The following NEUROG1 variants were observed in gnomAD, a reference collection of about 807,000 sequenced individuals.
NEUROG1 encodes the protein neurogenin 1.
NEUROG1 carries 5 observed loss-of-function variants against 5.7 expected under a neutral mutation model. That is an observed-to-expected ratio of 0.88 (90% confidence interval 0.46 to 1.85). The LOEUF (loss-of-function observed/expected upper bound fraction) is 1.85, where lower values mean the gene tolerates loss of function less well. Ranked by LOEUF, NEUROG1 falls within the 40% of genes most tolerant of loss-of-function variation. The pLI is 0.01. For missense variants in NEUROG1, 403 were observed against 345.7 expected, an observed-to-expected ratio of 1.17 and a Z score of -1.32; for synonymous variants, 196 against 157.4, an observed-to-expected ratio of 1.25 and a Z score of -1.84.
At position 135,535,282 on chromosome 5, in the gene NEUROG1, C is replaced by A. The variant is rs747790479; in HGVS notation, c.409G>T (p.Ala137Ser). ...GCCAGAGCCCAGATGTAGTTGTAGG[C>A]GAAGCGCAGCGTCTCGATTTTGGTG... ...KLTKIETLRF[A>S]YNYIWALAET... Residue 137 changes from alanine (A) to serine (S), a missense_variant, in exon 1 of 1, where the codon GCC becomes TCC. Coordinates refer to ENST00000314744, the MANE Select transcript of NEUROG1 (RefSeq NM_006161.3). 2 of 1,613,536 alleles carry A rather than the reference C, an allele frequency of 1.2e-6. No homozygotes were observed. Among genetic ancestry groups the A allele is most frequent in the Non-Finnish European group, 1.7e-6 (2 of 1,179,676 alleles).
At position 135,535,268 on chromosome 5, in the gene NEUROG1, G is replaced by A. The variant is rs1750511982; in HGVS notation, c.423C>T (p.Ile141=). The change falls in exon 1 of 1, where the codon ATC becomes ATT. Residue 141 remains isoleucine (I), a synonymous_variant. Transcript: ENST00000314744. ...IETLRFAYNY[I]WALAETLRLA... is the part of the protein sequence containing the mutation. Reference sequence around the variant, plus strand: ...GGCGCAGTGTCTCGGCCAGAGCCCAGATGTAGTTGTAGGCGAAGCGCAGCG... The same window carrying A: ...GGCGCAGTGTCTCGGCCAGAGCCCAAATGTAGTTGTAGGCGAAGCGCAGCG... 2.5e-6 allele frequency: 4 copies of A among 1,613,548 alleles called. No homozygotes were observed. Among genetic ancestry groups the A allele is most frequent in the Non-Finnish European group, 2.5e-6 (3 of 1,179,686 alleles).
rs542575544 is a variant in NEUROG1 at position 135,535,607 on chromosome 5, G to C, written c.84C>G (p.Asp28Glu). 2 of 1,595,468 alleles carry C rather than the reference G, an allele frequency of 1.3e-6. No homozygotes were observed. The highest frequency in any genetic ancestry group is 1.7e-6 in the Non-Finnish European group (2 of 1,176,538). ...GTTGGAGTCTGGCACAGTCTTCCTC[G>C]TCGGTGAGGAAGCCGGATAGGTCAC... Reference protein sequence around the residue: ...SGSDLSGFLTDEEDCARLQQA... With the variant: ...SGSDLSGFLTEEEDCARLQQA... The change falls in exon 1 of 1, where the codon GAC becomes GAG. Residue 28 changes from aspartate to glutamate, a missense_variant. Asp to Glu is a conservative substitution (Grantham distance 45). Coordinates refer to ENST00000314744, the MANE Select transcript of NEUROG1 (RefSeq NM_006161.3).
Position 135,535,288 on chromosome 5 carries a change from G to T in NEUROG1, c.403C>A (p.Arg135Ser). 1 of 1,613,566 alleles carries T rather than the reference G, an allele frequency of 6.2e-7. No homozygotes were observed. The highest frequency in any genetic ancestry group is 8.5e-7 in the Non-Finnish European group (1 of 1,179,678). The change falls in exon 1 of 1, where the codon CGC becomes AGC. Residue 135 changes from arginine to serine, a missense_variant. Coordinates refer to ENST00000314744, the MANE Select transcript of NEUROG1 (RefSeq NM_006161.3). ...DTKLTKIETL[R>S]FAYNYIWALA... ...GCCCAGATGTAGTTGTAGGCGAAGC[G>T]CAGCGTCTCGATTTTGGTGAGCTTG...
In NEUROG1 at chr5:135,535,748, G is replaced by A. The variant is rs1473111155; in HGVS notation, c.-58C>T. On this transcript the variant is annotated 5_prime_UTR_variant, in exon 1 of 1. Coordinates refer to ENST00000314744, the MANE Select transcript of NEUROG1 (RefSeq NM_006161.3). ...AAAGGCGCTCAGAGCGCTGCAGCCCGGACTGAGGGCAGAGCCGCCAGGGCG... is the reference window on the plus strand; with the variant it reads ...AAAGGCGCTCAGAGCGCTGCAGCCCAGACTGAGGGCAGAGCCGCCAGGGCG... The A allele has an allele frequency of 3.5e-6, 5 of 1,443,222 alleles. No individual in the cohort carries two copies. The highest frequency in any genetic ancestry group is 2.6e-5 in the Admixed American group (1 of 38,818). The allele number at this position is 1,443,222 out of a possible 1,614,324, so 89.4% of individuals were successfully genotyped here.
rs1293761663 is a variant in NEUROG1, at chr5:135,535,018, C to A, written c.673G>T (p.Asp225Tyr). The A allele has an allele frequency of 1.2e-6, 2 of 1,614,026 alleles. No homozygotes were observed. Among genetic ancestry groups the A allele is most frequent in the South Asian group, 1.1e-5 (1 of 91,084 alleles). ...PVFSFPSLPK[D>Y]LLHTTPCFIP... ...AAACAGGGCGTTGTGTGGAGCAAGTCTTTGGGCAGGCTTGGGAAGGAGAAA... is the reference window on the plus strand; with the variant it reads ...AAACAGGGCGTTGTGTGGAGCAAGTATTTGGGCAGGCTTGGGAAGGAGAAA... The change falls in exon 1 of 1, where the codon GAC becomes TAC. Residue 225 changes from aspartate (D) to tyrosine (Y), a missense_variant. Asp to Tyr is a radical substitution (Grantham distance 160, BLOSUM62 -3). Coordinates refer to ENST00000314744, the MANE Select transcript of NEUROG1 (RefSeq NM_006161.3).
rs776604488 is a variant in NEUROG1, at chr5:135,535,431, T to C, written c.260A>G (p.His87Arg). Residue 87 changes from histidine (H) to arginine (R), a missense_variant, in exon 1 of 1, where the codon CAC becomes CGC. Physicochemically the swap from His to Arg is conservative, Grantham distance 29. Coordinates refer to ENST00000314744, the MANE Select transcript of NEUROG1 (RefSeq NM_006161.3). ...RTRVRSEALL[H>R]SLRRSRRVKA... is the part of the protein sequence containing the mutation. ...GACGCGCCGGCTCCTGCGCAGCGAG[T>C]GCAGCAGCGCCTCGGAGCGGACCCG... 1.3e-6 allele frequency: 2 copies of C among 1,592,598 alleles called. No individual in the cohort carries two copies. The highest frequency in any genetic ancestry group is 1.7e-6 in the Non-Finnish European group (2 of 1,170,494).
Position 135,535,569 on chromosome 5 carries a change from G to A in NEUROG1, c.122C>T (p.Ala41Val), listed in dbSNP as rs776918553. 6.3e-7 allele frequency: 1 copy of A among 1,582,110 alleles called. No individual in the cohort carries two copies. Among genetic ancestry groups the A allele is most frequent in the Admixed American group, 1.8e-5 (1 of 56,694 alleles). The part of the protein sequence containing the change: ...DCARLQQAAS[A>V]SGPPAPARRG... ...GCGGGCCGGCGCGGGCGGCCCCGAA[G>A]CGGAGGCTGCCTGTTGGAGTCTGGC... The change falls in exon 1 of 1, where the codon GCT becomes GTT. Residue 41 changes from alanine (A) to valine (V), a missense_variant. Transcript: ENST00000314744.
At position 135,535,081 on chromosome 5, in the gene NEUROG1, C is replaced by A; in HGVS notation, c.610G>T (p.Ala204Ser). The A allele has an allele frequency of 6.2e-7, 1 of 1,613,344 alleles. No homozygotes were observed. The highest frequency in any genetic ancestry group is 1.1e-5 in the South Asian group (1 of 90,996). Residue 204 changes from alanine to serine, a missense_variant, in exon 1 of 1, where the codon GCC becomes TCC. By Grantham distance (99) the Ala-to-Ser change is moderately conservative. Transcript: ENST00000314744. ...SPLSDPSSPA[A>S]SEDFTYRPGD... is the part of the protein sequence containing the mutation. ...GGGCGGTAGGTGAAGTCTTCGGAGG[C>A]GGCTGGGCTACTGGGGTCAGAGAGC...
Position 135,535,470 on chromosome 5 carries a change from C to A in NEUROG1, c.221G>T (p.Arg74Leu). 6.4e-7 allele frequency: 1 copy of A among 1,563,906 alleles called. No individual in the cohort carries two copies. Residue 74 changes from arginine (R) to leucine (L), a missense_variant, in exon 1 of 1, where the codon CGC (arginine) becomes CTC (leucine). Arg to Leu is a moderately radical substitution (Grantham distance 102, BLOSUM62 -2). Coordinates refer to ENST00000314744, the MANE Select transcript of NEUROG1 (RefSeq NM_006161.3). ...GGAGCGGACCCGCGTCCGGCCGCGGCGCCGCCGCCTCTCCTGCTCGTCGTC... is the reference window on the plus strand; with the variant it reads ...GGAGCGGACCCGCGTCCGGCCGCGGAGCCGCCGCCTCTCCTGCTCGTCGTC... ...AQDDEQERRR[R>L]RGRTRVRSEA...
Position 135,535,334 on chromosome 5 carries a change from C to T in NEUROG1, c.357G>A (p.Leu119=). The T allele has an allele frequency of 1.2e-6, 2 of 1,613,474 alleles. No homozygotes were observed. Among genetic ancestry groups the T allele is most frequent in the Non-Finnish European group, 1.7e-6 (2 of 1,179,656 alleles). Residue 119 remains leucine (L), a synonymous_variant, in exon 1 of 1, where the codon CTG becomes CTA. Transcript: ENST00000314744. ...GCTTGGTGTCGTCGGGGAACGAGGG[C>T]AGCACGCTGCGCAGTGCGTCCAGGG... ...NAALDALRSV[L]PSFPDDTKLT...
At position 135,534,919 on chromosome 5, in the gene NEUROG1, G is replaced by T; in HGVS notation, c.*58C>A. On this transcript the variant is annotated 3_prime_UTR_variant, in exon 1 of 1. Transcript: ENST00000314744. ...AGGGGGTCCCGAGGCGGCAGCTGGGGCCCCATCTATTGCCTGCTGACTAGG... is the reference window on the plus strand; with the variant it reads ...AGGGGGTCCCGAGGCGGCAGCTGGGTCCCCATCTATTGCCTGCTGACTAGG... 1 of 1,544,494 alleles carries T rather than the reference G, an allele frequency of 6.5e-7. No individual in the cohort carries two copies. Among genetic ancestry groups the T allele is most frequent in the Non-Finnish European group, 8.8e-7 (1 of 1,142,522 alleles).
rs1750534673 is a variant in NEUROG1 at position 135,535,842 on chromosome 5, G to T, written c.-152C>A. On this transcript the variant is annotated 5_prime_UTR_variant, in exon 1 of 1. Coordinates refer to ENST00000314744, the MANE Select transcript of NEUROG1 (RefSeq NM_006161.3). ...TGCGGGTGCGAGAGCCTGGAAGGGT[G>T]CAGGGGCGCACGGAGAACTTGGCCT... 4.4e-6 allele frequency: 3 copies of T among 676,424 alleles called. No homozygotes were observed. In the East Asian group the frequency reaches 9.7e-5, roughly 22 times the overall value. 41.9% of individuals were successfully genotyped at this position (676,424 alleles called of 1,614,324 possible).
In NEUROG1 at chr5:135,535,431, T is replaced by G. The variant is rs776604488; in HGVS notation, c.260A>C (p.His87Pro). 6.3e-7 allele frequency: 1 copy of G among 1,592,708 alleles called. No individual in the cohort carries two copies. Among genetic ancestry groups the G allele is most frequent in the South Asian group, 1.1e-5 (1 of 88,720 alleles). Residue 87 changes from histidine (H) to proline (P), a missense_variant, in exon 1 of 1, where the codon CAC becomes CCC. His to Pro is a moderately conservative substitution (Grantham distance 77). Coordinates refer to ENST00000314744, the MANE Select transcript of NEUROG1 (RefSeq NM_006161.3). ...RTRVRSEALL[H>P]SLRRSRRVKA... is the part of the protein sequence containing the mutation. ...GACGCGCCGGCTCCTGCGCAGCGAG[T>G]GCAGCAGCGCCTCGGAGCGGACCCG...
In NEUROG1 at chr5:135,535,387, G is replaced by T; in HGVS notation, c.304C>A (p.Arg102Ser). 3 of 1,610,768 alleles carry T rather than the reference G, an allele frequency of 1.9e-6. No individual in the cohort carries two copies. The highest frequency in any genetic ancestry group is 2.5e-6 in the Non-Finnish European group (3 of 1,178,594). Reference protein sequence around the residue: ...SRRVKANDRERNRMHNLNAAL... With the variant: ...SRRVKANDRESNRMHNLNAAL... ...GCGTTCAAGTTGTGCATGCGGTTGC[G>T]CTCGCGATCGTTGGCCTTGACGCGC... Residue 102 changes from arginine (R) to serine (S), a missense_variant, in exon 1 of 1, where the codon CGC becomes AGC. Arg to Ser is a moderately radical substitution (Grantham distance 110). Coordinates refer to ENST00000314744, the MANE Select transcript of NEUROG1 (RefSeq NM_006161.3).
Position 135,535,584 on chromosome 5 carries a change from T to TG in NEUROG1, c.106dup (p.Gln36ProfsTer25), listed in dbSNP as rs1750523467. ...CGGCCCCGAAGCGGAGGCTGCCTGT[T>TG]GGAGTCTGGCACAGTCTTCCTCGTC... On this transcript the variant is annotated frameshift_variant, in exon 1 of 1. Transcript: ENST00000314744. LOFTEE classifies it low-confidence loss of function (END_TRUNC). The TG allele has an allele frequency of 6.3e-7, 1 of 1,590,644 alleles. No individual in the cohort carries two copies.
At position 135,535,504 on chromosome 5, in the gene NEUROG1, C is replaced by A. The variant is rs2126852729; in HGVS notation, c.187G>T (p.Gly63Trp). 1 of 1,577,124 alleles carries A rather than the reference C, an allele frequency of 6.3e-7. No individual in the cohort carries two copies. The highest frequency in any genetic ancestry group is 8.6e-7 in the Non-Finnish European group (1 of 1,167,752). ...CTCTCCTGCTCGTCGTCCTGTGCCC[C>A]TGGAACCTCAGACGCCCGGGAGATA... Reference protein sequence around the residue: ...PNISRASEVPGAQDDEQERRR... With the variant: ...PNISRASEVPWAQDDEQERRR... Residue 63 changes from glycine (G) to tryptophan (W), a missense_variant, in exon 1 of 1, where the codon GGG becomes TGG. By Grantham distance (184) the Gly-to-Trp change is radical (BLOSUM62 -2). Coordinates refer to ENST00000314744, the MANE Select transcript of NEUROG1 (RefSeq NM_006161.3).
In NEUROG1 at chr5:135,535,648, C is replaced by A. The variant is rs143170722; in HGVS notation, c.43G>T (p.Ala15Ser). The stretch of plus-strand genomic sequence containing the variant: ...GATAGGTCACTGCCGCTGCTGCTGG[C>A]GCAGTCGAGGTCGGAGATGCAGGTC... ...LETCISDLDC[A>S]SSSGSDLSGF... is the part of the protein sequence containing the mutation. Residue 15 changes from alanine (A) to serine (S), a missense_variant, in exon 1 of 1, where the codon GCC becomes TCC. Transcript: ENST00000314744. 1.9e-4 allele frequency: 299 copies of A among 1,583,282 alleles called. No homozygotes were observed. The highest frequency in any genetic ancestry group is 2.4e-4 in the Non-Finnish European group (275 of 1,169,822).
rs1194896653 is a variant in NEUROG1, at chr5:135,535,691, C to A, written c.-1G>T. ...TGCAGGTCTCAAGGCGGGCTGGCAT[C>A]GTTGCGCTGTGCAGGACCGACGGAC... On this transcript the variant is annotated 5_prime_UTR_variant, in exon 1 of 1. Coordinates refer to ENST00000314744, the MANE Select transcript of NEUROG1 (RefSeq NM_006161.3). 1 of 1,553,422 alleles carries A rather than the reference C, an allele frequency of 6.4e-7. No homozygotes were observed. Among genetic ancestry groups the A allele is most frequent in the Admixed American group, 1.9e-5 (1 of 51,550 alleles).
At position 135,534,852 on chromosome 5, in the gene NEUROG1, C is replaced by T. The variant is rs1035189471; in HGVS notation, c.*125G>A. 1.0e-5 allele frequency: 10 copies of T among 966,068 alleles called. No individual in the cohort carries two copies. Among genetic ancestry groups the T allele is most frequent in the Non-Finnish European group, 1.5e-5 (10 of 661,482 alleles). 59.8% of individuals were successfully genotyped at this position (966,068 alleles called of 1,614,324 possible). A position where few individuals can be genotyped will look rare whatever the true frequency, so the allele number is the denominator to read the frequency against. On this transcript the variant is annotated 3_prime_UTR_variant, in exon 1 of 1. Coordinates refer to ENST00000314744, the MANE Select transcript of NEUROG1 (RefSeq NM_006161.3). Reference sequence around the variant, plus strand: ...CGACCTAACAAGCGGCTCAGGTATCCCCGACTGCTTTAAAGCTCCCGCTTC... The same window carrying T: ...CGACCTAACAAGCGGCTCAGGTATCTCCGACTGCTTTAAAGCTCCCGCTTC...
Sources: allele counts gnomAD v4.1 joint callset, GRCh38; gene constraint gnomAD v4.1.1; transcripts MANE v1.5; gene names NCBI Gene and HGNC (gene_info 2026-07-23, HGNC 2026-07-21).